Variants in BBS2 observed in about 807,000 individuals in gnomAD.
BBS2 encodes the protein BBSome complex member BBS2.
BBS2 carries 62 observed loss-of-function variants against 83.0 expected under a neutral mutation model. The ratio of observed to expected loss-of-function variants is 0.75; its 90% CI spans 0.61 to 0.92. The LOEUF is 0.92. Among genes scored for constraint, BBS2 ranks in the 40% least tolerant of loss-of-function variants. The probability of loss-of-function intolerance (pLI) is 0.00; values close to 1 mark genes in which losing one functional copy is unlikely to be tolerated. For synonymous variants in BBS2, 303 were observed against 326.1 expected (o/e 0.93, Z 0.76); for missense variants, 784 against 901.0 (o/e 0.87, Z 1.66).
chr16:56,481,216 T>C (rs1963656678), downstream of BBS2, among the ~76,000 whole-genome samples: 1 of 152,032 alleles, frequency 6.6e-6, no homozygotes, highest in African/African-American at 2.4e-5. Context: ...AGTTCTTTGA[T>C]TTCTGAAGCT....
At position 56,502,617 on chromosome 16, in the gene BBS2, T is replaced by C. The variant is rs758229698; in HGVS notation, c.940+56A>G. On this transcript the variant is annotated intron_variant, in intron 8 of 16. Coordinates refer to ENST00000245157, the MANE Select transcript of BBS2 (RefSeq NM_031885.5). ...CTTCAGGTGAAATTTCCTGATATTTTGACCCAATCAAATGGAAAACGTGAC... is the reference window on the plus strand; with the variant it reads ...CTTCAGGTGAAATTTCCTGATATTTCGACCCAATCAAATGGAAAACGTGAC... The C allele has an allele frequency of 5.0e-6, 8 of 1,613,548 alleles. No individual in the cohort carries two copies. In the South Asian group the frequency reaches 8.8e-5, roughly 18 times the overall value.
chr16:56,485,903 A>C (rs1963763967), intron 15 of BBS2, among the ~76,000 whole-genome samples, 165 bp from the exon 16 acceptor site: 1 of 152,238 alleles, frequency 6.6e-6, no homozygotes, highest in African/African-American at 2.4e-5. Context: ...GATAAGTTCC[A>C]TAAAAATATT....
intron 1 of BBS2, among the ~76,000 whole-genome samples, chr16:56,517,189 G>A (rs771719732): frequency 9.2e-5 from 14 of 152,080 alleles, no homozygotes; most frequent in Non-Finnish European, 1.8e-4. Flanking sequence ...CAGCCAGTTA[G>A]CCTTTATCTA....
chr16:56,473,017 G>A (rs1342715251), intron 17 of BBS2, among the ~76,000 whole-genome samples: 3 of 152,062 alleles, frequency 2.0e-5, no homozygotes, highest in Non-Finnish European at 4.4e-5. Context: ...TGCTACCTCC[G>A]TCTTCCGGGT....
downstream of BBS2, among the ~76,000 whole-genome samples, chr16:56,480,362 A>AAAC (rs1963637593): frequency 2.0e-5 from 3 of 147,490 alleles, no homozygotes; most frequent in Non-Finnish European, 4.5e-5. Flanking sequence ...CAAAAAAAAA[A>AAAC]AAACAAAAAA....
At chr16:56,493,499 A>G (rs1441655347) in intron 15 of BBS2, among the ~76,000 whole-genome samples, 4 of 151,990 alleles carry the variant, frequency 2.6e-5, no homozygotes, top group Admixed American at 1.3e-4. Flanking sequence ...GTATCTGCAT[A>G]TATATACTTA....
rs1368909834 is a variant in BBS2, at chr16:56,511,428, T to C, written c.346-144A>G. 4 of 1,038,818 alleles carry C rather than the reference T, an allele frequency of 3.9e-6. No individual in the cohort carries two copies. The Admixed American group carries it at 7.4e-5, about 19-fold the overall frequency. The allele number at this position is 1,038,818 out of a possible 1,614,324, so 64.4% of individuals were successfully genotyped here. A position where few individuals can be genotyped will look rare whatever the true frequency, so the allele number is the denominator to read the frequency against. On this transcript the variant is annotated intron_variant, in intron 2 of 16. Coordinates refer to ENST00000245157, the MANE Select transcript of BBS2 (RefSeq NM_031885.5). ...ATGTGGGTGGGCCTCACACATTAACTGGCCCACGCACATATGGATAATAAT... is the reference window on the plus strand; with the variant it reads ...ATGTGGGTGGGCCTCACACATTAACCGGCCCACGCACATATGGATAATAAT...
intron 15 of BBS2, among the ~76,000 whole-genome samples, chr16:56,487,424 C>G (rs1169440548): frequency 6.6e-6 from 1 of 152,034 alleles, no homozygotes; most frequent in East Asian, 1.9e-4. Flanking sequence ...AATCAGTGTT[C>G]ATATGTACAA....
chr16:56,498,596 TC>T, intron 12 of BBS2, 28 bp from the exon 13 acceptor site: 2 of 1,613,526 alleles, frequency 1.2e-6, no homozygotes, highest in Non-Finnish European at 1.7e-6. Flanking sequence ...TGAAATGACC[TC>T]CATTTTTAAG....
At chr16:56,486,635 T>G (rs998318716) in intron 15 of BBS2, among the ~76,000 whole-genome samples, 7 of 152,176 alleles carry the variant, frequency 4.6e-5, no homozygotes, top group Admixed American at 4.6e-4. Flanking sequence ...TCCATTTATA[T>G]GGTATTTTGA....
intron 2 of BBS2, among the ~76,000 whole-genome samples, chr16:56,511,847 TG>T (rs1964587014): frequency 6.6e-6 from 1 of 152,160 alleles, no homozygotes; most frequent in Admixed American, 6.5e-5. Context: ...AGAAAAAATG[TG>T]ATCAGCTGGA....
intron 15 of BBS2, among the ~76,000 whole-genome samples, chr16:56,492,801 C>G (rs1458176838): frequency 2.0e-5 from 3 of 152,112 alleles, no homozygotes; most frequent in Non-Finnish European, 4.4e-5. Flanking sequence ...TGAGGTAACA[C>G]CTATGGAGAA....
chr16:56,494,582 C>G lies in BBS2; in HGVS notation c.1910+2385G>C, dbSNP rs543704012. Among the ~76,000 whole-genome samples, 5 of 152,110 alleles carry G rather than the reference C, an allele frequency of 3.3e-5. No individual in the cohort carries two copies. The East Asian group carries it at 9.6e-4, about 29-fold the overall frequency. ...TGAAACATTTCATCATACAAGAAAA[C>G]AAAGAACCAACCAAATTAATGGGAC... On this transcript the variant is annotated intron_variant, in intron 15 of 16. Coordinates refer to ENST00000245157, the MANE Select transcript of BBS2 (RefSeq NM_031885.5).
chr16:56,516,661 G>A (rs1314530886), intron 1 of BBS2, among the ~76,000 whole-genome samples: 1 of 152,040 alleles, frequency 6.6e-6, no homozygotes, highest in African/African-American at 2.4e-5. Context: ...CCAAAGTACT[G>A]GGATTGCAGG....
chr16:56,517,640 G>A (rs1176210785), intron 1 of BBS2, among the ~76,000 whole-genome samples: 2 of 152,182 alleles, frequency 1.3e-5, no homozygotes, highest in Non-Finnish European at 2.9e-5. Flanking sequence ...CTCCAAGGGG[G>A]CAAAAACTTG....
chr16:56,509,658 A>G (rs769072532), intron 5 of BBS2: 1 of 385,086 alleles, frequency 2.6e-6, no homozygotes, highest in Non-Finnish European at 4.9e-6. Flanking sequence ...TAGGTACATA[A>G]TAAATGATTG....
chr16:56,490,955 G>T (rs1334503895), intron 15 of BBS2, among the ~76,000 whole-genome samples: 1 of 151,848 alleles, frequency 6.6e-6, no homozygotes, highest in African/African-American at 2.4e-5. Flanking sequence ...TAGAGACAGG[G>T]TTTCACCATG....
At chr16:56,504,375 A>G (rs1432470452) in intron 7 of BBS2, among the ~76,000 whole-genome samples, 1 of 152,232 alleles carries the variant, frequency 6.6e-6, no homozygotes, top group Non-Finnish European at 1.5e-5. Context: ...AGGACTACAA[A>G]TTAATATTTC....
chr16:56,497,198 C>T, intron 14 of BBS2, 119 bp from the exon 15 acceptor site: 1 of 763,784 alleles, frequency 1.3e-6, no homozygotes. Context: ...TTCGCTTATA[C>T]CAATTAAGCT....
Sources: allele counts gnomAD v4.1 joint callset (sites outside exome capture counted in the v4.1 genomes callset), GRCh38; gene constraint gnomAD v4.1.1; transcripts MANE v1.5; gene names NCBI Gene and HGNC (gene_info 2026-07-23, HGNC 2026-07-21).